NOTCH4: variants seen among roughly 807,000 people sequenced by gnomAD.
The protein encoded by NOTCH4 is neurogenic locus notch homolog protein 4.
In NOTCH4, 138 loss-of-function variants were observed where a neutral mutation model predicts 189.0. That is an observed-to-expected ratio of 0.73 (90% confidence interval 0.64 to 0.84). The LOEUF (loss-of-function observed/expected upper bound fraction) is 0.84, where lower values mean the gene tolerates loss of function less well. NOTCH4 is among the 40% of genes least tolerant of loss of function. NOTCH4 has a pLI of 0.00. For missense variants in NOTCH4, 2,286 were observed against 2,605.4 expected (o/e 0.88, Z 2.67); for synonymous variants, 942 against 1,032.8 (o/e 0.91, Z 1.69).
chr6:32,212,876 G>T lies in NOTCH4; in HGVS notation c.2474C>A (p.Pro825His), dbSNP rs911892863. Residue 825 changes from proline to histidine, a missense_variant, in exon 16 of 30, where the codon CCT becomes CAT. By Grantham distance (77) the Pro-to-His change is moderately conservative. Around this residue, in one of 2 missense-constraint regions of NOTCH4, gnomAD observed 1,903 missense variants for 2,261.9 expected, o/e 0.84. Transcript: ENST00000375023. This position sits in a 1 kb window ranked among gnomAD's most constrained non-coding sequence, Gnocchi z 4.4. Reference sequence around the variant, plus strand: ...GGGGCAGAGGCAGCGGGGACCCTGAGGGCTGTCCTGGCAGGTTGCCCTATT... The same window carrying T: ...GGGGCAGAGGCAGCGGGGACCCTGATGGCTGTCCTGGCAGGTTGCCCTATT... ...CRNRATCQDS[P>H]QGPRCLCPTG... 7 of 1,555,414 alleles carry T rather than the reference G, an allele frequency of 4.5e-6. No individual in the cohort carries two copies. Among genetic ancestry groups the T allele is most frequent in the Middle Eastern group, 1.7e-4 (1 of 6,010 alleles).
In NOTCH4 at chr6:32,202,247, C is replaced by T; in HGVS notation, c.3584G>A (p.Gly1195Glu). ...GACDAGCSGP[G>E]GNWDGGDCSL... ...GCAGTCCCCTCCATCCCAGTTTCCT[C>T]CCGGGCCACTGCAGCCAGCATCGCA... is the stretch of plus-strand genomic sequence containing the variant. The change falls in exon 21 of 30, where the codon GGA becomes GAA. Residue 1195 changes from glycine to glutamate, a missense_variant. Gly to Glu is a moderately conservative substitution (Grantham distance 98). Coordinates refer to ENST00000375023, the MANE Select transcript of NOTCH4 (RefSeq NM_004557.4). This position sits in a 1 kb window ranked among gnomAD's most constrained non-coding sequence, Gnocchi z 5.7. 1 of 1,570,972 alleles carries T rather than the reference C, an allele frequency of 6.4e-7. No individual in the cohort carries two copies. Among genetic ancestry groups the T allele is most frequent in the Non-Finnish European group, 8.7e-7 (1 of 1,153,576 alleles).
intron 29 of NOTCH4, 23 bp downstream of exon 29, chr6:32,196,301 G>A: frequency 6.2e-7 from 1 of 1,613,146 alleles, no homozygotes; most frequent in Non-Finnish European, 8.5e-7. Flanking sequence ...CTGTTTTGTG[G>A]GAAGCCCTCT....
chr6:32,195,584 G>A lies in NOTCH4; in HGVS notation c.5865C>T (p.Ala1955=), dbSNP rs1280334303. 1.9e-6 allele frequency: 3 copies of A among 1,613,094 alleles called. No individual in the cohort carries two copies. The highest frequency in any genetic ancestry group is 2.2e-5 in the South Asian group (2 of 91,080). The change falls in exon 30 of 30, where the codon GCC becomes GCT. Residue 1955 remains alanine, a synonymous_variant. Coordinates refer to ENST00000375023, the MANE Select transcript of NOTCH4 (RefSeq NM_004557.4). The surrounding 1 kb of genome is among the most constrained non-coding windows in gnomAD (Gnocchi z 5.4). The stretch of plus-strand genomic sequence containing the variant: ...TGGAGGCAGAACCGCAAGCTCCCAG[G>A]GCCACCCAATCACAGGGCCAGTCAT... ...STDDWPCDWV[A]LGACGSASNI...
intron 7 of NOTCH4, 77 bp downstream of exon 7, chr6:32,220,052 G>C: frequency 6.8e-7 from 1 of 1,477,946 alleles, no homozygotes; most frequent in Non-Finnish European, 9.2e-7. Flanking sequence ...AATTGGAAAA[G>C]CAATCTGCCC....
In NOTCH4 at chr6:32,199,011, G is replaced by C; in HGVS notation, c.4450C>G (p.Pro1484Ala). 1 of 1,612,394 alleles carries C rather than the reference G, an allele frequency of 6.2e-7. No individual in the cohort carries two copies. The highest frequency in any genetic ancestry group is 8.5e-7 in the Non-Finnish European group (1 of 1,179,688). The change falls in exon 24 of 30, where the codon CCC becomes GCC. Residue 1484 changes from proline (P) to alanine (A), a missense_variant. Around this residue, in one of 2 missense-constraint regions of NOTCH4, gnomAD observed 1,903 missense variants for 2,261.9 expected, o/e 0.84. Coordinates refer to ENST00000375023, the MANE Select transcript of NOTCH4 (RefSeq NM_004557.4). The surrounding 1 kb of genome is among the most constrained non-coding windows in gnomAD (Gnocchi z 4.9). ...RRREHGALWL[P>A]PGFTRRPRTQ... The stretch of plus-strand genomic sequence containing the variant: ...CGAGGCCGTCGAGTGAAACCAGGGG[G>C]CAGCCAGAGAGCTCCATGCTCTCGG...
intron 3 of NOTCH4, 51 bp downstream of exon 3, chr6:32,222,460 T>C (rs779938032): frequency 6.9e-7 from 1 of 1,455,056 alleles, no homozygotes; most frequent in Admixed American, 2.8e-5. Context: ...ACCCACAGCC[T>C]AGCCCATTGC....
In NOTCH4 at chr6:32,195,583, G is replaced by C; in HGVS notation, c.5866C>G (p.Leu1956Val). Reference protein sequence around the residue: ...TDDWPCDWVALGACGSASNIP... With the variant: ...TDDWPCDWVAVGACGSASNIP... ...TTGGAGGCAGAACCGCAAGCTCCCA[G>C]GGCCACCCAATCACAGGGCCAGTCA... is the stretch of plus-strand genomic sequence containing the variant. Residue 1956 changes from leucine (L) to valine (V), a missense_variant, in exon 30 of 30, where the codon CTG becomes GTG. Leu to Val is a conservative substitution (Grantham distance 32). Coordinates refer to ENST00000375023, the MANE Select transcript of NOTCH4 (RefSeq NM_004557.4). This position sits in a 1 kb window ranked among gnomAD's most constrained non-coding sequence, Gnocchi z 5.4. The C allele has an allele frequency of 6.2e-7, 1 of 1,613,124 alleles. No individual in the cohort carries two copies. The highest frequency in any genetic ancestry group is 8.5e-7 in the Non-Finnish European group (1 of 1,180,030).
intron 3 of NOTCH4, among the ~76,000 whole-genome samples, chr6:32,222,157 A>C (rs1789818657): frequency 6.6e-6 from 1 of 152,152 alleles, no homozygotes; most frequent in African/African-American, 2.4e-5. Flanking sequence ...GGAGCCATTC[A>C]GATGCTCAGA....
At chr6:32,196,732 G>A (rs547042778) in intron 28 of NOTCH4, among the ~76,000 whole-genome samples, 193 bp downstream of exon 28, 198 of 152,204 alleles carry the variant, frequency 1.3e-3, no homozygotes, top group African/African-American at 4.4e-3. Flanking sequence ...GGAGCGGAGG[G>A]CCAGTGTGGT....
Position 32,221,916 on chromosome 6 carries a change from G to T in NOTCH4, c.452-591C>A, listed in dbSNP as rs1561949621. 1.3e-5 allele frequency among the ~76,000 whole-genome samples: 2 copies of T among 152,164 alleles called. No homozygotes were observed. Among genetic ancestry groups the T allele is most frequent in the African/African-American group, 2.4e-5 (1 of 41,422 alleles). On this transcript the variant is annotated intron_variant, in intron 3 of 29. Coordinates refer to ENST00000375023, the MANE Select transcript of NOTCH4 (RefSeq NM_004557.4). This position sits in a 1 kb window ranked among gnomAD's most constrained non-coding sequence, Gnocchi z 4.3. ...TCAGCTGACAACTGAACACCAGAAA[G>T]CTAAAATATCTTATATGAGGTCATG...
In NOTCH4 at chr6:32,223,687, C is replaced by T. The variant is rs189647386; in HGVS notation, c.73+169G>A. ...ACCCCTGGCACCAGGCCCGAAGCAGCTCCATGGGCAGAGCCGTCTTTCCCT... is the reference window on the plus strand; with the variant it reads ...ACCCCTGGCACCAGGCCCGAAGCAGTTCCATGGGCAGAGCCGTCTTTCCCT... On this transcript the variant is annotated intron_variant, in intron 1 of 29. Coordinates refer to ENST00000375023, the MANE Select transcript of NOTCH4 (RefSeq NM_004557.4). Among the ~76,000 whole-genome samples the T allele has an allele frequency of 2.2e-3, 340 of 152,194 alleles. 1 individual carries two copies. The highest frequency in any genetic ancestry group is 0.01 in the Middle Eastern group (3 of 294).
chr6:32,201,423 C>G lies in NOTCH4; in HGVS notation c.3833G>C (p.Gly1278Ala). The change falls in exon 22 of 30, where the codon GGC becomes GCC. Residue 1278 changes from glycine to alanine, a missense_variant. Physicochemically the swap from Gly to Ala is moderately conservative, Grantham distance 60. This residue lies in a region of NOTCH4 where 1,903 missense variants were observed against 2,261.9 expected (regional missense o/e 0.84). Transcript: ENST00000375023. This position sits in a 1 kb window ranked among gnomAD's most constrained non-coding sequence, Gnocchi z 5.5. ...CEKGCNTAEC[G>A]WDGGDCRPED... Reference sequence around the variant, plus strand: ...AGGCCTGCAGTCACCTCCATCCCAGCCACACTCTGCAGTGTTGCAGCCTTT... The same window carrying G: ...AGGCCTGCAGTCACCTCCATCCCAGGCACACTCTGCAGTGTTGCAGCCTTT... The G allele has an allele frequency of 6.4e-7, 1 of 1,555,160 alleles. No individual in the cohort carries two copies. Among genetic ancestry groups the G allele is most frequent in the Non-Finnish European group, 8.7e-7 (1 of 1,152,484 alleles).
Position 32,199,425 on chromosome 6 carries a change from C to T in NOTCH4, c.4316-280G>A, listed in dbSNP as rs921087040. On this transcript the variant is annotated intron_variant, in intron 23 of 29. Coordinates refer to ENST00000375023, the MANE Select transcript of NOTCH4 (RefSeq NM_004557.4). This position sits in a 1 kb window ranked among gnomAD's most constrained non-coding sequence, Gnocchi z 4.9. The stretch of plus-strand genomic sequence containing the variant: ...CTACTAAAAATATAAAAATTAGTGG[C>T]TGGGTGTAGTGGCTTACTCCTATAA... 8.5e-5 allele frequency among the ~76,000 whole-genome samples: 13 copies of T among 152,166 alleles called. No homozygotes were observed. Among genetic ancestry groups the T allele is most frequent in the African/African-American group, 3.1e-4 (13 of 41,500 alleles).
At position 32,220,253 on chromosome 6, in the gene NOTCH4, C is replaced by G. The variant is rs1789666361; in HGVS notation, c.1191G>C (p.Leu397=). The G allele has an allele frequency of 6.2e-7, 1 of 1,613,602 alleles. No individual in the cohort carries two copies. The highest frequency in any genetic ancestry group is 8.5e-7 in the Non-Finnish European group (1 of 1,179,804). Residue 397 remains leucine (L), a synonymous_variant, in exon 7 of 30, where the codon CTG becomes CTC. Transcript: ENST00000375023. ...GGGCATCCCCATGGCACGGCTGGCTCAGACACATGTCTTCCAAGTGGCACA... is the reference window on the plus strand; with the variant it reads ...GGGCATCCCCATGGCACGGCTGGCTGAGACACATGTCTTCCAAGTGGCACA... ...GLLCHLEDMC[L]SQPCHGDAQC... is the part of the protein sequence containing the mutation.
Position 32,221,223 on chromosome 6 carries a change from C to T in NOTCH4, c.554G>A (p.Gly185Asp), listed in dbSNP as rs1196042408. 1 of 1,613,106 alleles carries T rather than the reference C, an allele frequency of 6.2e-7. No individual in the cohort carries two copies. The highest frequency in any genetic ancestry group is 2.2e-5 in the East Asian group (1 of 44,864). The change falls in exon 4 of 30, where the codon GGC (glycine) becomes GAC (aspartate). Residue 185 changes from glycine (G) to aspartate (D), a missense_variant. Gly to Asp is a moderately conservative substitution (Grantham distance 94). Transcript: ENST00000375023. This position sits in a 1 kb window ranked among gnomAD's most constrained non-coding sequence, Gnocchi z 4.3. ...ACGTTCACAGGCATGGCCCTCGAAG[C>T]CCGGTGGGCAGTGGCACTGGATCTG... ...YPQIQCHCPP[G>D]FEGHACERDV...
Position 32,220,646 on chromosome 6 carries a change from A to G in NOTCH4, c.923-5T>C. 1 of 1,613,184 alleles carries G rather than the reference A, an allele frequency of 6.2e-7. No homozygotes were observed. Among genetic ancestry groups the G allele is most frequent in the East Asian group, 2.2e-5 (1 of 44,856 alleles). ...CATCTTCGGAGCAGTCCCAGCCTGC[A>G]GGGGGTTGGGGAGGGGACGAGGGCT... On this transcript the variant is annotated splice_region_variant and splice_polypyrimidine_tract_variant and intron_variant, in intron 5 of 29. Coordinates refer to ENST00000375023, the MANE Select transcript of NOTCH4 (RefSeq NM_004557.4).
Position 32,198,668 on chromosome 6 carries a change from T to G in NOTCH4, c.4598A>C (p.Glu1533Ala). Residue 1533 changes from glutamate (E) to alanine (A), a missense_variant, in exon 25 of 30, where the codon GAG becomes GCG. By Grantham distance (107) the Glu-to-Ala change is moderately radical (BLOSUM62 -1). Coordinates refer to ENST00000375023, the MANE Select transcript of NOTCH4 (RefSeq NM_004557.4). The surrounding 1 kb of genome is among the most constrained non-coding windows in gnomAD (Gnocchi z 5.5). ...TTTCACCTGGCCCACCTCCTCTCCC[T>G]CCTCAGGGCCTGAGCACATCACAAC... ...DGVVMCSGPE[E>A]GEEVGQAEET... 1 of 1,612,550 alleles carries G rather than the reference T, an allele frequency of 6.2e-7. No individual in the cohort carries two copies.
In NOTCH4 at chr6:32,198,987, G is replaced by C. The variant is rs771787319; in HGVS notation, c.4474C>G (p.Arg1492Gly). 1 of 1,611,058 alleles carries C rather than the reference G, an allele frequency of 6.2e-7. No individual in the cohort carries two copies. The highest frequency in any genetic ancestry group is 1.3e-5 in the African/African-American group (1 of 75,016). ...CGTCGGTGGGGAGCTGACTGAGTCC[G>C]AGGCCGTCGAGTGAAACCAGGGGGC... ...WLPPGFTRRP[R>G]TQSAPHRRRP... is the part of the protein sequence containing the mutation. The change falls in exon 24 of 30, where the codon CGG becomes GGG. Residue 1492 changes from arginine to glycine, a missense_variant. This residue lies in a region of NOTCH4 where 1,903 missense variants were observed against 2,261.9 expected (regional missense o/e 0.84). Transcript: ENST00000375023. This position sits in a 1 kb window ranked among gnomAD's most constrained non-coding sequence, Gnocchi z 5.5.
In NOTCH4 at chr6:32,195,929, G is replaced by T. The variant is rs757995932; in HGVS notation, c.5520C>A (p.Phe1840Leu). Residue 1840 changes from phenylalanine to leucine, a missense_variant, in exon 30 of 30, where the codon TTC (phenylalanine) becomes TTA (leucine). Around this residue, in one of 2 missense-constraint regions of NOTCH4, gnomAD observed 383 missense variants for 343.5 expected, o/e 1.11. Coordinates refer to ENST00000375023, the MANE Select transcript of NOTCH4 (RefSeq NM_004557.4). The surrounding 1 kb of genome is among the most constrained non-coding windows in gnomAD (Gnocchi z 5.4). ...KATPGREAGP[F>L]PRARTVSVSV... ...TTACTGACACCGTCCGTGCGCGCGG[G>T]AAGGGCCCAGCCTCGCGGCCCGGCG... 8 of 1,587,858 alleles carry T rather than the reference G, an allele frequency of 5.0e-6. No individual in the cohort carries two copies. In the Admixed American group the frequency reaches 5.1e-5, roughly 10 times the overall value.
Sources: allele counts gnomAD v4.1 joint callset (sites outside exome capture counted in the v4.1 genomes callset), GRCh38; gene constraint gnomAD v4.1.1; regional missense constraint gnomAD v4.1.1; non-coding constraint Gnocchi (gnomAD v3.1); transcripts MANE v1.5; gene names NCBI Gene and HGNC (gene_info 2026-07-23, HGNC 2026-07-21).